Variants in NF1 observed in about 807,000 individuals in gnomAD.
The protein encoded by NF1 is neurofibromin.
In NF1, 122 loss-of-function variants were observed where a neutral mutation model predicts 325.7. The observed-to-expected ratio is 0.37, with a 90% confidence interval of 0.32 to 0.44. The LOEUF is 0.44. Among genes scored for constraint, NF1 ranks in the 20% least tolerant of loss-of-function variants. The probability of loss-of-function intolerance (pLI) is 1.00; values close to 1 mark genes in which losing one functional copy is unlikely to be tolerated. For missense variants in NF1, 2,140 were observed against 3,415.4 expected (o/e 0.63, Z 9.31); for synonymous variants, 1,091 against 1,186.0 (o/e 0.92, Z 1.65).
rs886039548 is a variant in NF1, at chr17:31,156,127, G to T, written c.204+1G>T. 1 of 1,613,404 alleles carries T rather than the reference G, an allele frequency of 6.2e-7. No homozygotes were observed. Among genetic ancestry groups the T allele is most frequent in the Non-Finnish European group, 8.5e-7 (1 of 1,179,764 alleles). On this transcript the variant is annotated splice_donor_variant, in intron 2 of 57. Transcript: ENST00000358273. LOFTEE classifies it high-confidence loss of function. ...TATTTTAAAGAATGTTAACAATATGGTGAGTATTTGGGTTACTGTGTTTTG... is the reference window on the plus strand; with the variant it reads ...TATTTTAAAGAATGTTAACAATATGTTGAGTATTTGGGTTACTGTGTTTTG...
intron 36 of NF1, chr17:31,313,953 A>G: frequency 2.5e-6 from 1 of 397,898 alleles, no homozygotes; most frequent in Non-Finnish European, 4.4e-6. Context: ...GCAAGATCAA[A>G]CCAAATTGTG....
chr17:31,279,589 T>TAAA (rs774250064), intron 36 of NF1, among the ~76,000 whole-genome samples: 2 of 136,010 alleles, frequency 1.5e-5, no homozygotes, highest in Non-Finnish European at 3.2e-5. Flanking sequence ...CCAGCCTCTT[T>TAAA]AAAAAAAAAA....
chr17:31,240,278 C>T (rs2151442235), intron 29 of NF1, among the ~76,000 whole-genome samples: 1 of 152,230 alleles, frequency 6.6e-6, no homozygotes, highest in East Asian at 1.9e-4. Context: ...TCTCTATCTC[C>T]ATGAGTTCAA....
At chr17:31,142,513 G>T (rs1039974915) in intron 1 of NF1, among the ~76,000 whole-genome samples, 1 of 151,650 alleles carries the variant, frequency 6.6e-6, no homozygotes, top group Non-Finnish European at 1.5e-5. Context: ...TACTTTTTTT[G>T]TGAAAAATAT....
chr17:31,304,601 C>T, intron 36 of NF1: 1 of 1,614,108 alleles, frequency 6.2e-7, no homozygotes, highest in Non-Finnish European at 8.5e-7. Flanking sequence ...GGAGGCAGAT[C>T]TGCATCATCT....
chr17:31,165,697 T>C (rs1449830274), intron 4 of NF1, among the ~76,000 whole-genome samples: 1 of 152,140 alleles, frequency 6.6e-6, no homozygotes, highest in Non-Finnish European at 1.5e-5. Context: ...ATTTATTTAT[T>C]TTATGTTTTT....
At chr17:31,214,632 A>G (rs756464706) in intron 13 of NF1, 47 bp downstream of exon 13, 73 of 1,596,186 alleles carry the variant, frequency 4.6e-5, no homozygotes, top group South Asian at 1.7e-4. Context: ...CACTAAGTTA[A>G]TTGGGTTTAG....
chr17:31,167,788 A>G (rs1204304228), intron 4 of NF1, among the ~76,000 whole-genome samples: 1 of 152,170 alleles, frequency 6.6e-6, no homozygotes, highest in Non-Finnish European at 1.5e-5. Context: ...AAAAATATCT[A>G]CATATTTGTT....
chr17:31,190,089 C>CAAA lies in NF1; in HGVS notation c.888+7442_888+7444dup, dbSNP rs766783457. 9.3e-3 allele frequency among the ~76,000 whole-genome samples: 910 copies of CAAA among 98,182 alleles called. 19 individuals are homozygous for CAAA. The highest frequency in any genetic ancestry group is 0.041 in the African/African-American group (856 of 21,110). The allele number at this position is 98,182 out of a possible 152,430, so 64.4% of individuals were successfully genotyped here. ...AAAATGTATTTTTAAAAATGTATTA[C>CAAA]AAAAAAAAAAAAAAAAAAAAGCTGG... On this transcript the variant is annotated intron_variant, in intron 8 of 57. Coordinates refer to ENST00000358273, the MANE Select transcript of NF1 (RefSeq NM_001042492.3).
intron 36 of NF1, among the ~76,000 whole-genome samples, chr17:31,287,542 C>CTGTGTGTGTGTGTGTGTGTG (rs59906241): frequency 6.9e-6 from 1 of 145,490 alleles, no homozygotes; most frequent in African/African-American, 2.6e-5. Context: ...TCATTCATAA[C>CTGTGTGTGTGTGTGTGTGTG]TGTGTGTGTG....
intron 55 of NF1, 105 bp from the exon 56 acceptor site, chr17:31,358,864 C>T: frequency 8.9e-7 from 1 of 1,121,150 alleles, no homozygotes; most frequent in South Asian, 1.3e-5. Flanking sequence ...ATGTTTTCAA[C>T]ATGTACATAG....
chr17:31,098,776 A>G (rs1452443674), intron 1 of NF1, among the ~76,000 whole-genome samples: 2 of 151,898 alleles, frequency 1.3e-5, no homozygotes, highest in Non-Finnish European at 2.9e-5. Flanking sequence ...TACTAAAAAT[A>G]CAAAAATTAG....
chr17:31,135,912 T>G (rs1597602254), intron 1 of NF1, among the ~76,000 whole-genome samples: 1 of 152,214 alleles, frequency 6.6e-6, no homozygotes, highest in East Asian at 1.9e-4. Flanking sequence ...TTCAACTGTT[T>G]CATTTTTTTA....
chr17:31,149,498 G>T (rs761214463), intron 1 of NF1, among the ~76,000 whole-genome samples: 27 of 152,046 alleles, frequency 1.8e-4, no homozygotes, highest in Non-Finnish European at 2.4e-4. Flanking sequence ...TGGAGTTTCA[G>T]CATGTTGGCC....
intron 29 of NF1, among the ~76,000 whole-genome samples, chr17:31,243,184 CTGTGTGTGTGTG>C (rs377472053): frequency 2.2e-5 from 3 of 137,560 alleles, no homozygotes; most frequent in East Asian, 2.1e-4. Flanking sequence ...CTCTCTCTGT[CTGTGTGTGTGTG>C]TGTGTGTGTG....
At chr17:31,215,953 G>A (rs2066813362) in intron 13 of NF1, among the ~76,000 whole-genome samples, 1 of 152,132 alleles carries the variant, frequency 6.6e-6, no homozygotes, top group Non-Finnish European at 1.5e-5. Flanking sequence ...GAGAGAAGAA[G>A]GAACATTCCC....
chr17:31,163,062 C>T (rs941595623), intron 3 of NF1, 124 bp from the exon 4 acceptor site: 1 of 812,594 alleles, frequency 1.2e-6, no homozygotes. Context: ...GTTGTTAAAT[C>T]TAGGTGGTGT....
chr17:31,351,862 T>G (rs192293701), intron 50 of NF1, among the ~76,000 whole-genome samples: 4 of 147,674 alleles, frequency 2.7e-5, no homozygotes, highest in African/African-American at 9.8e-5. Flanking sequence ...TTTTTGGGGT[T>G]TTTTTTTTTT....
At chr17:31,160,654 C>T (rs932239799) in intron 3 of NF1, among the ~76,000 whole-genome samples, 2 of 152,176 alleles carry the variant, frequency 1.3e-5, no homozygotes, top group African/African-American at 4.8e-5. Flanking sequence ...ATTACTTTGA[C>T]TGCAAATTAC....
Sources: allele counts gnomAD v4.1 joint callset (sites outside exome capture counted in the v4.1 genomes callset), GRCh38; gene constraint gnomAD v4.1.1; transcripts MANE v1.5; gene names NCBI Gene and HGNC (gene_info 2026-07-23, HGNC 2026-07-21).